FHIT: variants seen among roughly 807,000 people sequenced by gnomAD.
FHIT encodes bis(5'-adenosyl)-triphosphatase.
Under a neutral mutation model 17.9 loss-of-function variants are expected in FHIT, and 19 were observed. The observed-to-expected ratio is 1.06, with a 90% confidence interval of 0.74 to 1.56. The LOEUF is 1.56. Ranked by LOEUF, FHIT falls within the 40% of genes most tolerant of loss-of-function variation. The probability of loss-of-function intolerance (pLI) is 0.00; values close to 1 mark genes in which losing one functional copy is unlikely to be tolerated. For missense variants in FHIT, 248 were observed against 189.2 expected, an observed-to-expected ratio of 1.31 and a Z score of -1.82; for synonymous variants, 81 against 69.7, an observed-to-expected ratio of 1.16 and a Z score of -0.81.
chr3:61,086,016 T>G (rs1489801794), intron 2 of FHIT, among the ~76,000 whole-genome samples: 1 of 152,204 alleles, frequency 6.6e-6, no homozygotes, highest in African/African-American at 2.4e-5. Context: ...CTTGCTAAAT[T>G]CATTTGTTAA....
chr3:59,854,869 G>A (rs1206469003), intron 8 of FHIT, among the ~76,000 whole-genome samples: 1 of 152,228 alleles, frequency 6.6e-6, no homozygotes, highest in Non-Finnish European at 1.5e-5. Context: ...AGCTCATGCA[G>A]CTAAGTCTCT....
intron 3 of FHIT, among the ~76,000 whole-genome samples, chr3:60,850,570 C>T (rs1030908508): frequency 6.6e-6 from 1 of 152,068 alleles, no homozygotes; most frequent in Non-Finnish European, 1.5e-5. Context: ...ACCTCCTTCC[C>T]AAACACACTT....
chr3:60,972,039 T>C (rs773093808), intron 3 of FHIT, among the ~76,000 whole-genome samples: 1 of 152,214 alleles, frequency 6.6e-6, no homozygotes, highest in Non-Finnish European at 1.5e-5. Flanking sequence ...ATTTGATGAA[T>C]TTGCATCTGC....
intron 3 of FHIT, among the ~76,000 whole-genome samples, chr3:60,919,039 G>A (rs1460601969): frequency 2.6e-5 from 4 of 152,076 alleles, no homozygotes; most frequent in African/African-American, 9.7e-5. Context: ...AAATATCTGG[G>A]TCACTACCTA....
chr3:60,441,348 T>C (rs2030781801), intron 5 of FHIT, among the ~76,000 whole-genome samples: 1 of 152,038 alleles, frequency 6.6e-6, no homozygotes, highest in African/African-American at 2.4e-5. Flanking sequence ...GCAATAAATA[T>C]ATTATTCTTG....
At chr3:60,422,283 C>A (rs1443689876) in intron 5 of FHIT, among the ~76,000 whole-genome samples, 1 of 152,028 alleles carries the variant, frequency 6.6e-6, no homozygotes. Context: ...GTGAGAACAG[C>A]CAATAAAGCT....
chr3:61,159,999 T>G (rs1257523088), intron 2 of FHIT, among the ~76,000 whole-genome samples: 2 of 152,160 alleles, frequency 1.3e-5, no homozygotes, highest in African/African-American at 4.8e-5. Flanking sequence ...AAGGAAAGTA[T>G]GAGATAAAGA....
intron 4 of FHIT, among the ~76,000 whole-genome samples, chr3:60,773,942 A>G (rs1296137897): frequency 6.6e-6 from 1 of 152,210 alleles, no homozygotes; most frequent in Non-Finnish European, 1.5e-5. Flanking sequence ...CATTTCTTCT[A>G]TAGAATTAAA....
At chr3:61,167,362 T>C (rs1288748669) in intron 2 of FHIT, among the ~76,000 whole-genome samples, 1 of 151,312 alleles carries the variant, frequency 6.6e-6, no homozygotes, top group African/African-American at 2.4e-5. Flanking sequence ...CGGGGCTGGG[T>C]GCTGTGGCTC....
At chr3:60,478,473 C>CAT (rs1480239676) in intron 5 of FHIT, among the ~76,000 whole-genome samples, 2 of 152,128 alleles carry the variant, frequency 1.3e-5, no homozygotes, top group Non-Finnish European at 2.9e-5. Flanking sequence ...ATGATTATGT[C>CAT]ATTTCTTAGT....
At chr3:61,215,307 G>A (rs1034767267) in intron 1 of FHIT, among the ~76,000 whole-genome samples, 1 of 151,798 alleles carries the variant, frequency 6.6e-6, no homozygotes. Flanking sequence ...AGCAGCTTCA[G>A]CAAAGTCTCA....
intron 5 of FHIT, among the ~76,000 whole-genome samples, chr3:60,248,221 C>CA (rs1705504985): frequency 6.6e-6 from 1 of 152,050 alleles, no homozygotes; most frequent in Non-Finnish European, 1.5e-5. Context: ...TTCTTTGGTA[C>CA]AAAAACCTTC....
intron 4 of FHIT, among the ~76,000 whole-genome samples, chr3:60,564,471 G>C (rs7633467): frequency 6.6e-6 from 1 of 152,128 alleles, no homozygotes; most frequent in Non-Finnish European, 1.5e-5. Context: ...GTCATGGACA[G>C]TGACTCCTCT....
At chr3:60,603,525 G>A (rs1172218210) in intron 4 of FHIT, among the ~76,000 whole-genome samples, 1 of 138,634 alleles carries the variant, frequency 7.2e-6, no homozygotes, top group South Asian at 2.4e-4. Flanking sequence ...GGGATTTAGG[G>A]TATTGTGTTG....
intron 5 of FHIT, among the ~76,000 whole-genome samples, chr3:60,069,832 CTT>C (rs967662609): frequency 1.3e-5 from 2 of 152,214 alleles, no homozygotes; most frequent in African/African-American, 4.8e-5. Flanking sequence ...TTTCCAAGCA[CTT>C]TCACACATCT....
At chr3:59,816,425 T>TC (rs1453931302) in intron 8 of FHIT, among the ~76,000 whole-genome samples, 1 of 152,216 alleles carries the variant, frequency 6.6e-6, no homozygotes, top group African/African-American at 2.4e-5. Context: ...GTGGATTTCT[T>TC]CCTTGGCATG....
intron 8 of FHIT, among the ~76,000 whole-genome samples, chr3:59,921,277 C>T (rs754260853): frequency 6.6e-6 from 1 of 152,130 alleles, no homozygotes; most frequent in Non-Finnish European, 1.5e-5. Context: ...AATTTCATCA[C>T]TGCAAAGAAG....
At chr3:60,532,497 A>G (rs1242421943) in intron 5 of FHIT, among the ~76,000 whole-genome samples, 1 of 152,222 alleles carries the variant, frequency 6.6e-6, no homozygotes, top group Non-Finnish European at 1.5e-5. Context: ...ACTGAGACAC[A>G]GGAATAAAAT....
chr3:60,633,394 C>G (rs1553682927), intron 4 of FHIT, among the ~76,000 whole-genome samples: 1 of 152,088 alleles, frequency 6.6e-6, no homozygotes, highest in Non-Finnish European at 1.5e-5. Flanking sequence ...TAGTACAATA[C>G]CTGCCCCCAC....
Sources: gnomAD v4.1 joint callset for allele counts (sites outside exome capture counted in the v4.1 genomes callset) on GRCh38, gnomAD v4.1.1 for gene constraint, MANE v1.5 for transcripts, NCBI Gene and HGNC (gene_info 2026-07-23, HGNC 2026-07-21) for gene names.